Variants in ALPK2 observed in about 807,000 individuals in gnomAD.
ALPK2 encodes the protein alpha-protein kinase 2.
ALPK2 carries 127 observed loss-of-function variants against 163.1 expected under a neutral mutation model. The ratio of observed to expected loss-of-function variants is 0.78; its 90% CI spans 0.67 to 0.90. The LOEUF (loss-of-function observed/expected upper bound fraction) is 0.90, where lower values mean the gene tolerates loss of function less well. Ranked by LOEUF, ALPK2 falls within the 40% of genes least tolerant of loss-of-function variation. ALPK2 has a pLI of 0.00. For missense variants in ALPK2, 2,360 were observed against 2,589.6 expected, an observed-to-expected ratio of 0.91 and a Z score of 1.92; for synonymous variants, 953 against 959.1, an observed-to-expected ratio of 0.99 and a Z score of 0.12.
At chr18:58,568,059 A>T (rs1206234276) in intron 4 of ALPK2, among the ~76,000 whole-genome samples, 1 of 152,198 alleles carries the variant, frequency 6.6e-6, no homozygotes, top group Non-Finnish European at 1.5e-5. Flanking sequence ...CTCCCTGGGC[A>T]GTCCAAGTGA....
At chr18:58,539,912 T>C (rs2051681605) in intron 4 of ALPK2, among the ~76,000 whole-genome samples, 1 of 152,194 alleles carries the variant, frequency 6.6e-6, no homozygotes, top group Non-Finnish European at 1.5e-5. Flanking sequence ...CATTTTCTCT[T>C]TTAAAGCTAC....
chr18:58,577,137 T>G (rs187229846), intron 4 of ALPK2, among the ~76,000 whole-genome samples: 1 of 152,312 alleles, frequency 6.6e-6, no homozygotes, highest in Admixed American at 6.5e-5. Flanking sequence ...CCATTTTACT[T>G]GACTGACTTG....
intron 12 of ALPK2, among the ~76,000 whole-genome samples, chr18:58,496,508 C>G (rs2051401892): frequency 6.6e-6 from 1 of 152,238 alleles, no homozygotes; most frequent in African/African-American, 2.4e-5. Flanking sequence ...CTTCATGAAT[C>G]AGACTTACTG....
rs1211439073 is a variant in ALPK2, at chr18:58,536,325, A to G, written c.3862T>C (p.Leu1288=). ...AATGCTGCTATTTCAGAGGGGGCCA[A>G]TTCAGGCACAACAGCATCTGCCTTT... The part of the protein sequence containing the change: ...SLKADAVVPE[L]APSEIAALAH... Residue 1288 remains leucine, a synonymous_variant, in exon 5 of 13, where the codon TTG becomes CTG. Transcript: ENST00000361673. 1.2e-6 allele frequency: 2 copies of G among 1,614,072 alleles called. No homozygotes were observed. Among genetic ancestry groups the G allele is most frequent in the East Asian group, 2.2e-5 (1 of 44,890 alleles).
intron 3 of ALPK2, among the ~76,000 whole-genome samples, chr18:58,593,613 C>T (rs1158498531): frequency 6.8e-6 from 1 of 146,392 alleles, no homozygotes; most frequent in Non-Finnish European, 1.5e-5. Flanking sequence ...TGCAGTGGCT[C>T]ACACCTGTAA....
At chr18:58,545,775 C>T (rs2051714644) in intron 4 of ALPK2, among the ~76,000 whole-genome samples, 1 of 152,026 alleles carries the variant, frequency 6.6e-6, no homozygotes, top group African/African-American at 2.4e-5. Flanking sequence ...GCACTGTGTC[C>T]TTCAACAGTT....
In ALPK2 at chr18:58,618,298, C is replaced by T. The variant is rs150221735; in HGVS notation, c.-20-6481G>A. On this transcript the variant is annotated intron_variant, in intron 1 of 12. Transcript: ENST00000361673. ...CTGACCTCAGATGATCCACCGGCCC[C>T]GGCCTCCCAAAGTGCTGAGATTACA... 2.3e-3 allele frequency among the ~76,000 whole-genome samples: 355 copies of T among 152,308 alleles called. 1 individual carries two copies. The highest frequency in any genetic ancestry group is 8.1e-3 in the African/African-American group (337 of 41,566).
At chr18:58,613,898 T>C (rs2052150214) in intron 1 of ALPK2, among the ~76,000 whole-genome samples, 1 of 152,096 alleles carries the variant, frequency 6.6e-6, no homozygotes, top group Admixed American at 6.6e-5. Context: ...TCCTGCTGCT[T>C]TGGAAGTTCC....
intron 1 of ALPK2, among the ~76,000 whole-genome samples, chr18:58,617,958 A>AT (rs1450986026): frequency 3.0e-4 from 45 of 152,364 alleles, no homozygotes; most frequent in African/African-American, 1.1e-3. Context: ...ATCCTAGTAC[A>AT]TGCTTCCTTA....
intron 4 of ALPK2, among the ~76,000 whole-genome samples, chr18:58,559,682 C>A (rs893074258): frequency 3.9e-5 from 6 of 152,184 alleles, no homozygotes; most frequent in African/African-American, 1.4e-4. Flanking sequence ...GTGATACTCT[C>A]CACAAAGCTG....
At chr18:58,483,477 T>C (rs1192673538) in intron 12 of ALPK2, among the ~76,000 whole-genome samples, 18 of 152,196 alleles carry the variant, frequency 1.2e-4, no homozygotes, top group African/African-American at 4.3e-4. Flanking sequence ...GCCTGCAGTA[T>C]TCCCCCTGCA....
chr18:58,519,582 A>G (rs193221919), intron 8 of ALPK2, among the ~76,000 whole-genome samples: 1 of 152,376 alleles, frequency 6.6e-6, no homozygotes, highest in East Asian at 1.9e-4. Context: ...GTATAGTACC[A>G]TACGTGGTAT....
chr18:58,494,590 C>T (rs1470339871), intron 12 of ALPK2, among the ~76,000 whole-genome samples: 5 of 152,084 alleles, frequency 3.3e-5, no homozygotes, highest in South Asian at 2.1e-4. Flanking sequence ...AAATGACACA[C>T]GGAGCACTGC....
intron 3 of ALPK2, among the ~76,000 whole-genome samples, chr18:58,593,947 C>CAA (rs11366867): frequency 7.9e-6 from 1 of 127,172 alleles, no homozygotes; most frequent in Non-Finnish European, 1.7e-5. Flanking sequence ...TTCCCCCAAC[C>CAA]AAAAAAAAAA....
intron 4 of ALPK2, among the ~76,000 whole-genome samples, chr18:58,549,923 C>T (rs2051741599): frequency 6.6e-6 from 1 of 152,124 alleles, no homozygotes; most frequent in Non-Finnish European, 1.5e-5. Context: ...TGCTCCACCA[C>T]AATCCCGGCA....
At chr18:58,560,588 T>C (rs7238217) in intron 4 of ALPK2, among the ~76,000 whole-genome samples, 80,622 of 152,056 alleles carry the variant, frequency 0.53, 21,849 homozygotes, top group African/African-American at 0.62. Flanking sequence ...CAAAGATAAT[T>C]TCCCCATGTC....
rs183622132 is a variant in ALPK2 at position 58,628,183 on chromosome 18, G to A, written c.-21+581C>T. Among the ~76,000 whole-genome samples the A allele has an allele frequency of 5.5e-4, 83 of 151,950 alleles. 1 individual carries two copies. The highest frequency in any genetic ancestry group is 3.4e-3 in the Middle Eastern group (1 of 294). On this transcript the variant is annotated intron_variant, in intron 1 of 12. Transcript: ENST00000361673. ...TTTTTTTAAATCTATTTAACAACTC[G>A]ATAAATGTTTACATCAGCCATTTTG...
At chr18:58,571,807 CT>C (rs1201702854) in intron 4 of ALPK2, among the ~76,000 whole-genome samples, 1 of 151,996 alleles carries the variant, frequency 6.6e-6, no homozygotes, top group Non-Finnish European at 1.5e-5. Context: ...GAAACCCCGT[CT>C]CTACTAAAAA....
intron 4 of ALPK2, among the ~76,000 whole-genome samples, chr18:58,572,992 C>T (rs2051893783): frequency 6.6e-6 from 1 of 152,102 alleles, no homozygotes; most frequent in Non-Finnish European, 1.5e-5. Flanking sequence ...TGTCATCTCT[C>T]TCTATTTCTT....
Sources: gnomAD v4.1 joint callset for allele counts (sites outside exome capture counted in the v4.1 genomes callset) on GRCh38, gnomAD v4.1.1 for gene constraint, MANE v1.5 for transcripts, NCBI Gene and HGNC (gene_info 2026-07-23, HGNC 2026-07-21) for gene names.